The following TANGO6 variants were observed in gnomAD, a reference collection of about 807,000 sequenced individuals.
TANGO6 encodes the protein transport and Golgi organization protein 6 homolog.
Under a neutral mutation model 114.2 loss-of-function variants are expected in TANGO6, and 90 were observed. The ratio of observed to expected loss-of-function variants is 0.79; its 90% CI spans 0.66 to 0.94. The LOEUF (loss-of-function observed/expected upper bound fraction) is 0.94, where lower values mean the gene tolerates loss of function less well. Among genes scored for constraint, TANGO6 ranks in the 40% least tolerant of loss-of-function variants. The pLI is 0.00. For synonymous variants in TANGO6, 477 were observed against 509.8 expected (o/e 0.94, Z 0.87); for missense variants, 1,274 against 1,315.3 (o/e 0.97, Z 0.49).
chr16:68,903,719 C>T (rs1474059337), intron 9 of TANGO6, among the ~76,000 whole-genome samples: 1 of 146,292 alleles, frequency 6.8e-6, no homozygotes. Context: ...GTCAGGAGTT[C>T]AAGACCAGCC....
At chr16:68,942,247 G>A (rs1459062172) in intron 14 of TANGO6, among the ~76,000 whole-genome samples, 2 of 151,816 alleles carry the variant, frequency 1.3e-5, no homozygotes, top group Admixed American at 6.6e-5. Flanking sequence ...TCTTGAACCC[G>A]GGAGGCAGAG....
intron 15 of TANGO6, 67 bp downstream of exon 15, chr16:68,974,235 T>A: frequency 1.9e-6 from 3 of 1,592,860 alleles, no homozygotes; most frequent in African/African-American, 2.7e-5. Context: ...AACCAAAATG[T>A]GTGTACCTGG....
At chr16:69,073,101 A>C (rs1960320545) in intron 17 of TANGO6, among the ~76,000 whole-genome samples, 1 of 151,402 alleles carries the variant, frequency 6.6e-6, no homozygotes, top group South Asian at 2.1e-4. Context: ...TTCTATATAT[A>C]GAGATGCTTT....
At chr16:68,992,552 A>G (rs908215415) in intron 15 of TANGO6, among the ~76,000 whole-genome samples, 3 of 152,208 alleles carry the variant, frequency 2.0e-5, no homozygotes, top group African/African-American at 2.4e-5. Context: ...TTGCTGCATT[A>G]TGCCAAGGCA....
intron 6 of TANGO6, among the ~76,000 whole-genome samples, chr16:68,879,726 C>T (rs1962427016): frequency 1.3e-5 from 2 of 150,690 alleles, no homozygotes; most frequent in Admixed American, 6.6e-5. Flanking sequence ...ATGCCATTCT[C>T]CTGCCTCAGC....
At chr16:68,899,248 G>A (rs1962751844) in intron 7 of TANGO6, among the ~76,000 whole-genome samples, 1 of 152,016 alleles carries the variant, frequency 6.6e-6, no homozygotes, top group Non-Finnish European at 1.5e-5. Context: ...ATTCCAGCCT[G>A]GGTGAGAGAG....
At chr16:68,980,409 C>CTCTCTCTCTCTCTCTCTCTCTCTCTCTA (rs1408626276) in intron 15 of TANGO6, among the ~76,000 whole-genome samples, 6 of 67,994 alleles carry the variant, frequency 8.8e-5, no homozygotes, top group East Asian at 4.1e-4. Flanking sequence ...CTCTCTCTCT[C>CTCTCTCTCTCTCTCTCTCTCTCTCTCTA]TATATATATA....
intron 1 of TANGO6, among the ~76,000 whole-genome samples, chr16:68,844,119 G>T (rs561023298): frequency 6.6e-6 from 1 of 152,162 alleles, no homozygotes; most frequent in Admixed American, 6.5e-5. Flanking sequence ...GGACCCTTGA[G>T]ATTTGTACGA....
At chr16:69,031,046 C>T (rs1364544407) in intron 16 of TANGO6, among the ~76,000 whole-genome samples, 1 of 151,886 alleles carries the variant, frequency 6.6e-6, no homozygotes, top group African/African-American at 2.4e-5. Flanking sequence ...CAGAGCAAGA[C>T]TCGATCTCAA....
intron 12 of TANGO6, 141 bp from the exon 13 acceptor site, chr16:68,927,427 G>A (rs1416659461): frequency 2.5e-6 from 2 of 800,374 alleles, no homozygotes; most frequent in Non-Finnish European, 3.9e-6. Flanking sequence ...ATTCAGTGCT[G>A]GACCCAGGCA....
chr16:68,903,699 A>G (rs964113106), intron 9 of TANGO6, among the ~76,000 whole-genome samples: 1 of 151,372 alleles, frequency 6.6e-6, no homozygotes, highest in East Asian at 1.9e-4. Context: ...AGGTGGGTAG[A>G]TCACTTGAGG....
intron 12 of TANGO6, among the ~76,000 whole-genome samples, chr16:68,923,464 C>G (rs1487184190): frequency 6.6e-6 from 1 of 152,156 alleles, no homozygotes; most frequent in African/African-American, 2.4e-5. Context: ...CCGCTGAAAT[C>G]TGTTGCATGC....
chr16:68,964,566 T>G (rs1042792690), intron 14 of TANGO6, among the ~76,000 whole-genome samples: 1 of 122,032 alleles, frequency 8.2e-6, no homozygotes, highest in African/African-American at 3.4e-5. Context: ...CATATTAATT[T>G]TTTTTTTTTT....
intron 12 of TANGO6, among the ~76,000 whole-genome samples, chr16:68,927,114 C>G (rs1370503672): frequency 6.6e-6 from 1 of 152,198 alleles, no homozygotes; most frequent in Non-Finnish European, 1.5e-5. Context: ...CACTTGCATA[C>G]TGACTGGCCA....
intron 15 of TANGO6, among the ~76,000 whole-genome samples, chr16:68,980,433 ATATTTTTTT>A (rs1963820715): frequency 1.2e-5 from 1 of 80,776 alleles, no homozygotes; most frequent in Non-Finnish European, 2.4e-5. Flanking sequence ...ATATATATAT[ATATTTTTTT>A]TTTTTTTTTT....
intron 17 of TANGO6, among the ~76,000 whole-genome samples, chr16:69,045,816 A>G (rs2152235760): frequency 6.6e-6 from 1 of 152,124 alleles, no homozygotes; most frequent in African/African-American, 2.4e-5. Flanking sequence ...TTGTAATCCC[A>G]GCACTTTGGG....
At chr16:68,850,979 T>C (rs541128862) in intron 1 of TANGO6, among the ~76,000 whole-genome samples, 6 of 152,348 alleles carry the variant, frequency 3.9e-5, no homozygotes, top group African/African-American at 1.4e-4. Context: ...CAGTTATCCA[T>C]GTTTCCTCCT....
rs763507121 is a variant in TANGO6, at chr16:69,076,617, C to T, written c.3109-6868C>T. Among the ~76,000 whole-genome samples, 5 of 152,244 alleles carry T rather than the reference C, an allele frequency of 3.3e-5. No individual in the cohort carries two copies. In the South Asian group the frequency reaches 8.3e-4, roughly 25 times the overall value. ...TGCCTTCTTTCTGTGTTCGAAGCAA[C>T]GCATGGAAAGTGCATGAAAAGTGTC... On this transcript the variant is annotated intron_variant, in intron 17 of 17. Transcript: ENST00000261778.
At chr16:68,967,089 A>T (rs961255083) in intron 14 of TANGO6, among the ~76,000 whole-genome samples, 1 of 151,974 alleles carries the variant, frequency 6.6e-6, no homozygotes. Context: ...CTAATTTTTT[A>T]AATTTTTGTA....
Sources: gnomAD v4.1 joint callset for allele counts (sites outside exome capture counted in the v4.1 genomes callset) on GRCh38, gnomAD v4.1.1 for gene constraint, MANE v1.5 for transcripts, NCBI Gene and HGNC (gene_info 2026-07-23, HGNC 2026-07-21) for gene names.